DCTN6: variants seen among roughly 807,000 people sequenced by gnomAD.
DCTN6 encodes the protein dynactin 6.
In DCTN6, 15 loss-of-function variants were observed where a neutral mutation model predicts 25.8. That is an observed-to-expected ratio of 0.58 (90% CI 0.39 to 0.89). DCTN6 has a LOEUF of 0.89. DCTN6 is among the 40% of genes least tolerant of loss of function. DCTN6 has a pLI of 0.00. For synonymous variants in DCTN6, 64 were observed against 78.3 expected, an observed-to-expected ratio of 0.82 and a Z score of 0.96; for missense variants, 198 against 237.6, an observed-to-expected ratio of 0.83 and a Z score of 1.09.
Position 30,175,140 on chromosome 8 carries a change from A to G in DCTN6, c.144A>G (p.Ile48Met), listed in dbSNP as rs779900305. The change falls in exon 3 of 7, where the codon ATA becomes ATG. Residue 48 changes from isoleucine (I) to methionine (M), a missense_variant. Coordinates refer to ENST00000221114, the MANE Select transcript of DCTN6 (RefSeq NM_006571.4). Reference sequence around the variant, plus strand: ...GAATTATTGCGGAAGCCGGGCCAATAGTGATTGGCGAAGGGAACCTAATAG... The same window carrying G: ...GAATTATTGCGGAAGCCGGGCCAATGGTGATTGGCGAAGGGAACCTAATAG... ...KARIIAEAGP[I>M]VIGEGNLIEE... 3.1e-6 allele frequency: 5 copies of G among 1,614,160 alleles called. No homozygotes were observed. Among genetic ancestry groups the G allele is most frequent in the Non-Finnish European group, 3.4e-6 (4 of 1,180,018 alleles).
chr8:30,168,987 C>T (rs1803724416), intron 2 of DCTN6, among the ~76,000 whole-genome samples: 1 of 152,128 alleles, frequency 6.6e-6, no homozygotes, highest in Admixed American at 6.5e-5. Context: ...TGAAAGGTAC[C>T]TTGAAGCACC....
intron 4 of DCTN6, among the ~76,000 whole-genome samples, chr8:30,177,828 A>G (rs955079432): frequency 1.3e-5 from 2 of 152,254 alleles, no homozygotes; most frequent in African/African-American, 4.8e-5. Context: ...TAAATAAGTC[A>G]ATAGAGTAAA....
chr8:30,164,406 A>G (rs1317870462), intron 2 of DCTN6, among the ~76,000 whole-genome samples: 2 of 152,214 alleles, frequency 1.3e-5, no homozygotes, highest in Non-Finnish European at 2.9e-5. Context: ...AAAGTCATTC[A>G]TGTATTTAAG....
chr8:30,167,292 T>C (rs959437684), intron 2 of DCTN6, among the ~76,000 whole-genome samples: 3 of 151,520 alleles, frequency 2.0e-5, no homozygotes, highest in African/African-American at 7.3e-5. Flanking sequence ...AGACCCTGTC[T>C]CAAAAAAAAA....
intron 2 of DCTN6, among the ~76,000 whole-genome samples, chr8:30,168,049 G>A (rs1171804714): frequency 6.6e-6 from 1 of 152,174 alleles, no homozygotes; most frequent in African/African-American, 2.4e-5. Flanking sequence ...ACAGCAGACA[G>A]CCTCCAAGTG....
chr8:30,180,746 A>C, intron 6 of DCTN6, 116 bp downstream of exon 6: 6 of 1,248,504 alleles, frequency 4.8e-6, no homozygotes, highest in Non-Finnish European at 6.5e-6. Context: ...AATAAAACAA[A>C]AGATGCCAGT....
chr8:30,157,281 T>C (rs1305178982), intron 1 of DCTN6, among the ~76,000 whole-genome samples: 1 of 152,250 alleles, frequency 6.6e-6, no homozygotes, highest in African/African-American at 2.4e-5. Flanking sequence ...TTCTTTTTGA[T>C]GGCTCTGTAG....
intron 1 of DCTN6, among the ~76,000 whole-genome samples, chr8:30,158,945 C>T (rs1171658625): frequency 6.6e-6 from 1 of 152,002 alleles, no homozygotes; most frequent in East Asian, 1.9e-4. Context: ...CCACACCTGG[C>T]TAATTTTTGT....
In DCTN6 at chr8:30,173,776, T is replaced by C. The variant is rs183825792; in HGVS notation, c.89-1309T>C. 1.6e-4 allele frequency among the ~76,000 whole-genome samples: 21 copies of C among 134,300 alleles called. No individual in the cohort carries two copies. The East Asian group carries it at 5.3e-3, about 34-fold the overall frequency. 88.1% of individuals were successfully genotyped at this position (134,300 alleles called of 152,430 possible). ...AAAACCAGTTTACACAATTGAATAC[T>C]GAATTTCTTTCCTAATCCCCCACCC... is the stretch of plus-strand genomic sequence containing the variant. On this transcript the variant is annotated intron_variant, in intron 2 of 6. Coordinates refer to ENST00000221114, the MANE Select transcript of DCTN6 (RefSeq NM_006571.4).
intron 1 of DCTN6, among the ~76,000 whole-genome samples, chr8:30,159,015 C>T (rs1438908124): frequency 6.6e-6 from 1 of 152,080 alleles, no homozygotes; most frequent in African/African-American, 2.4e-5. Flanking sequence ...CTCCTGACCT[C>T]AAGGAATCTG....
intron 5 of DCTN6, among the ~76,000 whole-genome samples, chr8:30,180,280 A>G (rs1285254841): frequency 6.6e-6 from 1 of 152,200 alleles, no homozygotes; most frequent in Non-Finnish European, 1.5e-5. Context: ...GGTCACACAA[A>G]TAGCAGCAGA....
intron 2 of DCTN6, among the ~76,000 whole-genome samples, chr8:30,171,553 C>A (rs1241687593): frequency 1.3e-5 from 2 of 152,176 alleles, no homozygotes; most frequent in African/African-American, 4.8e-5. Flanking sequence ...CCATTGTGCT[C>A]AGCCCCATAT....
rs112297965 is a variant in DCTN6, at chr8:30,183,199, AT to A, written c.*30del. ...GAACAGTGTATAACATGAAGATAAC[AT>A]TTTGTCTTTGACCACTGTCTTTTGA... On this transcript the variant is annotated 3_prime_UTR_variant, in exon 7 of 7. Transcript: ENST00000221114. 16,605 of 1,597,268 alleles carry A rather than the reference AT, an allele frequency of 0.01. 288 individuals are homozygous for A. Among genetic ancestry groups the A allele is most frequent in the South Asian group, 0.06 (5,481 of 90,600 alleles).
intron 1 of DCTN6, among the ~76,000 whole-genome samples, chr8:30,158,701 C>CTTTTTTT (rs5890500): frequency 1.0e-5 from 1 of 99,010 alleles, no homozygotes; most frequent in Non-Finnish European, 1.9e-5. Flanking sequence ...AGTAGATTGA[C>CTTTTTTT]TTTTTTTTTT....
intron 2 of DCTN6, among the ~76,000 whole-genome samples, chr8:30,171,975 G>A (rs1210921638): frequency 6.6e-6 from 1 of 152,170 alleles, no homozygotes; most frequent in African/African-American, 2.4e-5. Context: ...TCTAGACAAG[G>A]GGGGTGGGGC....
At chr8:30,161,923 A>G (rs1803602295) in intron 1 of DCTN6, among the ~76,000 whole-genome samples, 1 of 139,206 alleles carries the variant, frequency 7.2e-6, no homozygotes, top group African/African-American at 2.7e-5. Context: ...AATTTTTTGT[A>G]TTTTTAGTAG....
Position 30,180,521 on chromosome 8 carries a change from G to A in DCTN6, c.365G>A (p.Gly122Asp), listed in dbSNP as rs763806967. The A allele has an allele frequency of 4.3e-6, 7 of 1,613,674 alleles. No individual in the cohort carries two copies. In the South Asian group the frequency reaches 7.7e-5, roughly 18 times the overall value. ...YVGRNVILTS[G>D]CIIGACCNLN... ...GGCAGAAATGTAATATTGACAAGTG[G>A]CTGCATCATTGGGGCTTGTTGCAAC... Residue 122 changes from glycine to aspartate, a missense_variant, in exon 6 of 7, where the codon GGC (glycine) becomes GAC (aspartate). By Grantham distance (94) the Gly-to-Asp change is moderately conservative. Transcript: ENST00000221114.
At chr8:30,174,442 C>T (rs368775189) in intron 2 of DCTN6, among the ~76,000 whole-genome samples, 9 of 151,970 alleles carry the variant, frequency 5.9e-5, no homozygotes, top group African/African-American at 2.2e-4. Flanking sequence ...ACATGATTCT[C>T]CTGCCTCAGC....
intron 2 of DCTN6, among the ~76,000 whole-genome samples, chr8:30,172,524 C>T (rs1349929217): frequency 3.3e-5 from 5 of 151,648 alleles, no homozygotes; most frequent in African/African-American, 9.7e-5. Flanking sequence ...GATCTTGGCT[C>T]ACGGCACCTT....
Sources: gnomAD v4.1 joint callset for allele counts (sites outside exome capture counted in the v4.1 genomes callset) on GRCh38, gnomAD v4.1.1 for gene constraint, MANE v1.5 for transcripts, NCBI Gene and HGNC (gene_info 2026-07-23, HGNC 2026-07-21) for gene names.